ABHD17C: variants seen among roughly 807,000 people sequenced by gnomAD.
The protein encoded by ABHD17C is alpha/beta hydrolase domain-containing protein 17C.
In ABHD17C, 11 loss-of-function variants were observed where a neutral mutation model predicts 27.9. That is an observed-to-expected ratio of 0.39 (90% confidence interval 0.25 to 0.65). The LOEUF (loss-of-function observed/expected upper bound fraction) is 0.65, where lower values mean the gene tolerates loss of function less well. ABHD17C is among the 30% of genes least tolerant of loss of function. The probability of loss-of-function intolerance (pLI) is 0.45; values close to 1 mark genes in which losing one functional copy is unlikely to be tolerated. For synonymous variants in ABHD17C, 233 were observed against 209.1 expected, an observed-to-expected ratio of 1.11 and a Z score of -0.98; for missense variants, 280 against 470.2, an observed-to-expected ratio of 0.60 and a Z score of 3.74.
At chr15:80,747,254 A>G in intron 1 of ABHD17C, among the ~76,000 whole-genome samples, 1 of 152,150 alleles carries the variant, frequency 6.6e-6, no homozygotes, top group Non-Finnish European at 1.5e-5. Flanking sequence ...CTCATGGTCC[A>G]TATGCTTTTT....
At chr15:80,727,878 C>T (rs1895002807) in intron 1 of ABHD17C, among the ~76,000 whole-genome samples, 1 of 152,228 alleles carries the variant, frequency 6.6e-6, no homozygotes, top group African/African-American at 2.4e-5. Flanking sequence ...GCACTCCAGA[C>T]TTCACTTTGC....
chr15:80,713,900 C>CCACACACACACACACACACACACACA, intron 1 of ABHD17C, among the ~76,000 whole-genome samples: 1 of 141,146 alleles, frequency 7.1e-6, no homozygotes, highest in South Asian at 2.4e-4. Context: ...CATATACAGA[C>CCACACACACACACACACACACACACA]CACACACACA....
intron 2 of ABHD17C, among the ~76,000 whole-genome samples, chr15:80,753,844 T>C (rs1370978316): frequency 6.6e-6 from 1 of 152,200 alleles, no homozygotes; most frequent in Non-Finnish European, 1.5e-5. Flanking sequence ...TTATGATATG[T>C]TAATGTAGGT....
chr15:80,731,728 GT>G, intron 1 of ABHD17C, among the ~76,000 whole-genome samples: 1 of 151,508 alleles, frequency 6.6e-6, no homozygotes, highest in Middle Eastern at 3.4e-3. Flanking sequence ...AAATTTTACT[GT>G]TTACTGTTTT....
chr15:80,733,372 C>T (rs1241305629), intron 1 of ABHD17C, among the ~76,000 whole-genome samples: 1 of 152,098 alleles, frequency 6.6e-6, no homozygotes, highest in Non-Finnish European at 1.5e-5. Flanking sequence ...GTGTAATTCT[C>T]AAGGAGGCCC....
chr15:80,696,121 C>T (rs1449612281), intron 1 of ABHD17C, 102 bp downstream of exon 1: 1 of 1,229,338 alleles, frequency 8.1e-7, no homozygotes, highest in Non-Finnish European at 1.1e-6. Flanking sequence ...GGGGCCCCTC[C>T]TCCGGGGCTG....
intron 2 of ABHD17C, among the ~76,000 whole-genome samples, chr15:80,753,280 T>G (rs1054019552): frequency 6.6e-6 from 1 of 152,036 alleles, no homozygotes; most frequent in African/African-American, 2.4e-5. Flanking sequence ...TCTGAAGAGG[T>G]CTGTCTTTAA....
chr15:80,721,023 T>C (rs908465985), intron 1 of ABHD17C, among the ~76,000 whole-genome samples: 4 of 152,142 alleles, frequency 2.6e-5, no homozygotes, highest in African/African-American at 9.7e-5. Flanking sequence ...TTAATATTTC[T>C]TTCAAAATTT....
chr15:80,716,881 C>G (rs1291488261), intron 1 of ABHD17C, among the ~76,000 whole-genome samples: 1 of 152,182 alleles, frequency 6.6e-6, no homozygotes, highest in Non-Finnish European at 1.5e-5. Context: ...GAACGCATCC[C>G]TGTTGAGCAG....
chr15:80,716,087 T>C (rs1894800100), intron 1 of ABHD17C, among the ~76,000 whole-genome samples: 2 of 152,236 alleles, frequency 1.3e-5, no homozygotes, highest in African/African-American at 2.4e-5. Context: ...TGCATCTTTT[T>C]AGACAGGGAG....
At chr15:80,696,495 T>TTGTAA (rs1229844164) in intron 1 of ABHD17C, among the ~76,000 whole-genome samples, 1 of 152,154 alleles carries the variant, frequency 6.6e-6, no homozygotes, top group Admixed American at 6.5e-5. Flanking sequence ...GACTTTCTGG[T>TTGTAA]TGTAAAGTGC....
chr15:80,719,627 A>G (rs1020865689), intron 1 of ABHD17C, among the ~76,000 whole-genome samples: 1 of 152,242 alleles, frequency 6.6e-6, no homozygotes, highest in Admixed American at 6.5e-5. Context: ...TCATCTCTAC[A>G]CATGGTTTCA....
At chr15:80,722,121 G>A (rs1000853287) in intron 1 of ABHD17C, among the ~76,000 whole-genome samples, 5 of 151,870 alleles carry the variant, frequency 3.3e-5, no homozygotes, top group South Asian at 2.1e-4. Flanking sequence ...GATTTTATCC[G>A]TCAGTTTGTT....
At chr15:80,744,073 G>A (rs1483988506) in intron 1 of ABHD17C, among the ~76,000 whole-genome samples, 1 of 152,106 alleles carries the variant, frequency 6.6e-6, no homozygotes, top group African/African-American at 2.4e-5. Flanking sequence ...ACTGACCTAT[G>A]TTTCACACAA....
intron 1 of ABHD17C, among the ~76,000 whole-genome samples, chr15:80,723,043 T>A (rs1894919936): frequency 6.6e-6 from 1 of 152,176 alleles, no homozygotes; most frequent in Non-Finnish European, 1.5e-5. Context: ...CGGGGCTGAC[T>A]GTGGGACTTG....
At chr15:80,696,367 C>A (rs1444645109) in intron 1 of ABHD17C, among the ~76,000 whole-genome samples, 1 of 152,190 alleles carries the variant, frequency 6.6e-6, no homozygotes, top group African/African-American at 2.4e-5. Context: ...CAGAAAGAAA[C>A]AACTTGGTTC....
At chr15:80,704,181 A>G (rs1446443995) in intron 1 of ABHD17C, among the ~76,000 whole-genome samples, 1 of 152,186 alleles carries the variant, frequency 6.6e-6, no homozygotes, top group African/African-American at 2.4e-5. Context: ...AGTGGTTGAA[A>G]AGAAACCACA....
Position 80,754,406 on chromosome 15 carries a change from C to G in ABHD17C, c.*36C>G. Reference sequence around the variant, plus strand: ...TTGATCTTACCTCATTTACTGTGAACAGAAGAGTCCTCTGTTTTGCACATG... The same window carrying G: ...TTGATCTTACCTCATTTACTGTGAAGAGAAGAGTCCTCTGTTTTGCACATG... On this transcript the variant is annotated 3_prime_UTR_variant, in exon 3 of 3. Coordinates refer to ENST00000258884, the MANE Select transcript of ABHD17C (RefSeq NM_021214.2). 1 of 1,552,104 alleles carries G rather than the reference C, an allele frequency of 6.4e-7. No homozygotes were observed. The highest frequency in any genetic ancestry group is 8.8e-7 in the Non-Finnish European group (1 of 1,136,494).
intron 1 of ABHD17C, among the ~76,000 whole-genome samples, chr15:80,703,985 G>A (rs184793534): frequency 1.9e-4 from 29 of 152,256 alleles, no homozygotes; most frequent in East Asian, 1.9e-4. Flanking sequence ...TAGAACAATT[G>A]TGCCAATATA....
Sources: allele counts gnomAD v4.1 joint callset (sites outside exome capture counted in the v4.1 genomes callset), GRCh38; gene constraint gnomAD v4.1.1; transcripts MANE v1.5; gene names NCBI Gene and HGNC (gene_info 2026-07-23, HGNC 2026-07-21).